Variants in PEAK1 observed in about 807,000 individuals in gnomAD.
PEAK1 encodes the protein pseudopodium enriched atypical kinase 1.
PEAK1 carries 54 observed loss-of-function variants against 124.7 expected under a neutral mutation model. The observed-to-expected ratio is 0.43, with a 90% CI of 0.35 to 0.54. PEAK1 has a LOEUF of 0.54. Ranked by LOEUF, PEAK1 falls within the 20% of genes least tolerant of loss-of-function variation. The probability of loss-of-function intolerance (pLI) is 0.01; values close to 1 mark genes in which losing one functional copy is unlikely to be tolerated. For synonymous variants in PEAK1, 719 were observed against 760.0 expected (o/e 0.95, Z 0.89); for missense variants, 2,046 against 2,134.5 (o/e 0.96, Z 0.82).
chr15:77,313,316 C>A (rs2153004582), intron 2 of PEAK1, among the ~76,000 whole-genome samples: 1 of 152,158 alleles, frequency 6.6e-6, no homozygotes, highest in South Asian at 2.1e-4. Context: ...TAAAATAAGT[C>A]TTCAAGTTCA....
intron 6 of PEAK1, among the ~76,000 whole-genome samples, chr15:77,217,730 A>G (rs1232637371): frequency 1.3e-5 from 2 of 152,208 alleles, no homozygotes; most frequent in Admixed American, 6.5e-5. Context: ...GGATAGACTA[A>G]ATGGCTGATA....
chr15:77,293,892 C>T (rs1241661812), intron 2 of PEAK1, among the ~76,000 whole-genome samples: 1 of 151,976 alleles, frequency 6.6e-6, no homozygotes, highest in African/African-American at 2.4e-5. Context: ...ACAAAATGTC[C>T]AGAGGTAGGT....
intron 6 of PEAK1, among the ~76,000 whole-genome samples, chr15:77,238,665 A>G (rs1360930236): frequency 6.6e-6 from 1 of 152,204 alleles, no homozygotes; most frequent in Non-Finnish European, 1.5e-5. Flanking sequence ...CAGTAGCATG[A>G]GTCGGGGGAG....
chr15:77,401,766 T>G (rs1221202136), intron 1 of PEAK1: 2 of 985,188 alleles, frequency 2.0e-6, no homozygotes, highest in Non-Finnish European at 1.2e-6. Flanking sequence ...AGAGAGCTTT[T>G]GCTGATCTGT....
intron 6 of PEAK1, among the ~76,000 whole-genome samples, chr15:77,197,505 A>G (rs2058165430): frequency 6.6e-6 from 1 of 152,170 alleles, no homozygotes; most frequent in Non-Finnish European, 1.5e-5. Context: ...CTTTGGTCTA[A>G]TAATTTTTGA....
intron 1 of PEAK1, among the ~76,000 whole-genome samples, chr15:77,385,390 T>G (rs543326305): frequency 6.6e-6 from 1 of 152,340 alleles, no homozygotes; most frequent in South Asian, 2.1e-4. Context: ...TTCTAAAATT[T>G]TCCAGCAAAA....
intron 2 of PEAK1, among the ~76,000 whole-genome samples, chr15:77,306,903 C>T (rs1476366382): frequency 6.6e-6 from 1 of 152,126 alleles, no homozygotes; most frequent in Non-Finnish European, 1.5e-5. Flanking sequence ...ACATTAGAAA[C>T]ATAAACATGT....
At chr15:77,382,587 T>TAG (rs1780115361) in intron 1 of PEAK1, among the ~76,000 whole-genome samples, 1 of 152,176 alleles carries the variant, frequency 6.6e-6, no homozygotes, top group Non-Finnish European at 1.5e-5. Context: ...TCAAACTTCT[T>TAG]AGAGGGTACT....
At chr15:77,296,466 T>C (rs1204041164) in intron 2 of PEAK1, among the ~76,000 whole-genome samples, 1 of 151,430 alleles carries the variant, frequency 6.6e-6, no homozygotes, top group Non-Finnish European at 1.5e-5. Context: ...TATAAAAAAT[T>C]AGCCAGGTGT....
chr15:77,302,052 T>C (rs745564922), intron 2 of PEAK1, among the ~76,000 whole-genome samples: 39 of 142,688 alleles, frequency 2.7e-4, no homozygotes, highest in Admixed American at 8.8e-4. Flanking sequence ...TCTTGTTTTG[T>C]TTTTTTGAGT....
At chr15:77,225,712 G>C (rs1384753976) in intron 6 of PEAK1, among the ~76,000 whole-genome samples, 2 of 112,116 alleles carry the variant, frequency 1.8e-5, no homozygotes, top group African/African-American at 3.1e-5. Context: ...ATTCTAGAAA[G>C]AAGTAGAAAG....
Position 77,260,458 on chromosome 15 carries a change from G to T in PEAK1, c.-274-7932C>A, listed in dbSNP as rs1396879689. Among the ~76,000 whole-genome samples the T allele has an allele frequency of 2.6e-5, 4 of 152,108 alleles. No homozygotes were observed. In the East Asian group the frequency reaches 7.7e-4, roughly 29 times the overall value. On this transcript the variant is annotated intron_variant, in intron 5 of 9. Transcript: ENST00000682557. ...AAAGAAACCCAGAAATGATAGAAAT[G>T]ATAGAAATGGCAGGCAAAGACATTA...
intron 6 of PEAK1, among the ~76,000 whole-genome samples, chr15:77,228,023 A>G (rs1567139915): frequency 2.0e-5 from 3 of 152,064 alleles, no homozygotes; most frequent in South Asian, 2.1e-4. Flanking sequence ...AGAAGCTAAT[A>G]TTCTACATAT....
chr15:77,220,353 A>G (rs2059330675), intron 6 of PEAK1, among the ~76,000 whole-genome samples: 1 of 152,022 alleles, frequency 6.6e-6, no homozygotes, highest in Non-Finnish European at 1.5e-5. Context: ...GTCTTTTAAA[A>G]GTTGCCTTCT....
At chr15:77,237,207 A>C (rs975614814) in intron 6 of PEAK1, among the ~76,000 whole-genome samples, 1 of 152,174 alleles carries the variant, frequency 6.6e-6, no homozygotes, top group Non-Finnish European at 1.5e-5. Context: ...AAAGATTGTA[A>C]ATCCTAAAAT....
At chr15:77,239,017 C>G (rs1480686022) in intron 6 of PEAK1, among the ~76,000 whole-genome samples, 1 of 152,100 alleles carries the variant, frequency 6.6e-6, no homozygotes, top group African/African-American at 2.4e-5. Context: ...TGTTTCCTAT[C>G]ACAGTTGTAT....
intron 1 of PEAK1, among the ~76,000 whole-genome samples, chr15:77,396,699 A>G (rs912924895): frequency 1.3e-5 from 2 of 152,188 alleles, no homozygotes; most frequent in African/African-American, 4.8e-5. Flanking sequence ...ATAATGATGA[A>G]GGGGTCAACT....
intron 1 of PEAK1, among the ~76,000 whole-genome samples, chr15:77,383,378 T>A (rs2069648101): frequency 6.6e-6 from 1 of 152,182 alleles, no homozygotes; most frequent in East Asian, 1.9e-4. Context: ...CAATAGGAAA[T>A]CTGCCTTGAG....
intron 2 of PEAK1, among the ~76,000 whole-genome samples, chr15:77,290,159 T>A (rs2152978017): frequency 1.3e-5 from 2 of 152,234 alleles, no homozygotes; most frequent in African/African-American, 4.8e-5. Context: ...AGAGTCTCAC[T>A]CTGTTGCCCA....
Sources: allele counts gnomAD v4.1 joint callset (sites outside exome capture counted in the v4.1 genomes callset), GRCh38; gene constraint gnomAD v4.1.1; transcripts MANE v1.5; gene names NCBI Gene and HGNC (gene_info 2026-07-23, HGNC 2026-07-21).